The following SLC14A2 variants were observed in gnomAD, a reference collection of about 807,000 sequenced individuals.
The protein encoded by SLC14A2 is urea transporter 2.
In SLC14A2, 91 loss-of-function variants were observed where a neutral mutation model predicts 104.6. That is an observed-to-expected ratio of 0.87 (90% CI 0.73 to 1.04). The LOEUF (loss-of-function observed/expected upper bound fraction) is 1.04, where lower values mean the gene tolerates loss of function less well. Ranked by LOEUF, SLC14A2 falls within the 50% of genes least tolerant of loss-of-function variation. The pLI is 0.00. For missense variants in SLC14A2, 1,189 were observed against 1,156.0 expected (o/e 1.03, Z -0.41); for synonymous variants, 476 against 466.4 (o/e 1.02, Z -0.27).
chr18:45,616,033 G>A (rs2045065041), intron 1 of SLC14A2, among the ~76,000 whole-genome samples: 1 of 152,160 alleles, frequency 6.6e-6, no homozygotes. Context: ...TGAATTGGAG[G>A]TAGCTGTGGG....
intron 2 of SLC14A2, among the ~76,000 whole-genome samples, chr18:45,495,160 A>T (rs1470816273): frequency 1.3e-5 from 2 of 152,154 alleles, no homozygotes; most frequent in African/African-American, 4.8e-5. Flanking sequence ...TGGCAAATGC[A>T]TGAGTGAATT....
intron 1 of SLC14A2, among the ~76,000 whole-genome samples, chr18:45,433,428 C>T (rs536074527): frequency 3.3e-5 from 5 of 152,318 alleles, no homozygotes; most frequent in East Asian, 1.9e-4. Context: ...CTTAGTCATA[C>T]GTGAGAGGTA....
chr18:45,176,877 C>G, the SLC14A2 span, among the ~76,000 whole-genome samples: 1 of 152,172 alleles, frequency 6.6e-6, no homozygotes, highest in East Asian at 1.9e-4. Flanking sequence ...GCCAAAGACT[C>G]ACAAATCTCC....
intron 4 of SLC14A2, among the ~76,000 whole-genome samples, chr18:45,629,651 ACT>A (rs1041522196): frequency 3.3e-5 from 5 of 151,966 alleles, no homozygotes; most frequent in Non-Finnish European, 1.5e-5. Context: ...CTGCGCTGAC[ACT>A]CTGATTCTTT....
chr18:45,564,959 T>G (rs1430511152), intron 2 of SLC14A2, among the ~76,000 whole-genome samples: 1 of 152,004 alleles, frequency 6.6e-6, no homozygotes, highest in African/African-American at 2.4e-5. Context: ...AAGCAAGTGA[T>G]GAGGGTAGGA....
rs114426320 is a variant in SLC14A2, at chr18:45,242,878, C to T, written c.-125+29687C>T. On this transcript the variant is annotated intron_variant, in intron 1 of 20. Coordinates refer to the SLC14A2 transcript ENST00000586448. Reference sequence around the variant, plus strand: ...AAGCATGGGGTGGTGTTTACATGAGCTGGTTTGTGCTACTCCCAGGTTTGG... The same window carrying T: ...AAGCATGGGGTGGTGTTTACATGAGTTGGTTTGTGCTACTCCCAGGTTTGG... Among the ~76,000 whole-genome samples the T allele has an allele frequency of 6.5e-3, 983 of 152,252 alleles. 20 individuals carry two copies. The highest frequency in any genetic ancestry group is 0.022 in the African/African-American group (933 of 41,548).
At chr18:45,544,113 C>T (rs1363068696) in intron 2 of SLC14A2, among the ~76,000 whole-genome samples, 1 of 152,236 alleles carries the variant, frequency 6.6e-6, no homozygotes, top group Admixed American at 6.5e-5. Flanking sequence ...GCACCGTCCC[C>T]TTAGCTAATT....
rs575183083 is a variant in SLC14A2, at chr18:45,254,308, G to A, written c.-125+41117G>A. 5.8e-4 allele frequency among the ~76,000 whole-genome samples: 89 copies of A among 152,334 alleles called. 1 individual carries two copies. Among genetic ancestry groups the A allele is most frequent in the African/African-American group, 1.9e-3 (77 of 41,564 alleles). ...TGACTCCAAGTCCTGGCACCCTGGGGAGAGACACAGGAACCTAGAGGATCT... is the reference window on the plus strand; with the variant it reads ...TGACTCCAAGTCCTGGCACCCTGGGAAGAGACACAGGAACCTAGAGGATCT... On this transcript the variant is annotated intron_variant, in intron 1 of 20. Coordinates refer to the SLC14A2 transcript ENST00000586448.
chr18:45,235,263 T>C, intron 1 of SLC14A2, among the ~76,000 whole-genome samples: 1 of 152,328 alleles, frequency 6.6e-6, no homozygotes, highest in East Asian at 1.9e-4. Context: ...TCCTTTTCTT[T>C]TCATTAAAAT....
intron 1 of SLC14A2, among the ~76,000 whole-genome samples, chr18:45,258,959 C>T (rs1262939318): frequency 1.3e-5 from 2 of 152,198 alleles, no homozygotes; most frequent in African/African-American, 2.4e-5. Flanking sequence ...AGAAGTGCAG[C>T]GTCTCATCCA....
intron 1 of SLC14A2, among the ~76,000 whole-genome samples, chr18:45,298,181 G>A (rs907463194): frequency 3.3e-5 from 5 of 152,068 alleles, no homozygotes; most frequent in Non-Finnish European, 5.9e-5. Context: ...CTATAAAATA[G>A]CAGGAGAGAT....
chr18:45,652,803 G>A (rs1185333070), intron 10 of SLC14A2, among the ~76,000 whole-genome samples: 2 of 152,074 alleles, frequency 1.3e-5, no homozygotes, highest in African/African-American at 2.4e-5. Context: ...TGCTTTCCAA[G>A]GCAGCACTTT....
rs544467292 is a variant in SLC14A2, at chr18:45,670,049, G to A, written c.2229+551G>A. 2.2e-4 allele frequency among the ~76,000 whole-genome samples: 34 copies of A among 152,260 alleles called. 1 individual carries two copies. In the South Asian group the frequency reaches 4.8e-3, roughly 21 times the overall value. ...AGGCTGAGGTGGGAGGATCGCTTGA[G>A]CCCAGGAGTTTGAGGCTGCAGTGCG... On this transcript the variant is annotated intron_variant, in intron 16 of 19. Coordinates refer to ENST00000255226, the MANE Select transcript of SLC14A2 (RefSeq NM_007163.4).
the SLC14A2 span, chr18:45,181,170 TCTC>T: frequency 6.6e-6 from 1 of 152,462 alleles, no homozygotes; most frequent in African/African-American, 2.4e-5. Context: ...TCTCATCTCC[TCTC>T]CTCCACAGGA....
At chr18:45,205,798 T>C in the SLC14A2 span, among the ~76,000 whole-genome samples, 67 of 152,338 alleles carry the variant, frequency 4.4e-4, no homozygotes, top group African/African-American at 1.6e-3. Flanking sequence ...CATTCTTTTA[T>C]TCAACAAATA....
chr18:45,211,824 T>A (rs539649508), upstream of SLC14A2, among the ~76,000 whole-genome samples: 15 of 152,302 alleles, frequency 9.8e-5, no homozygotes, highest in South Asian at 3.1e-3. Flanking sequence ...AAATCTCCAA[T>A]GACAAAAACC....
intron 1 of SLC14A2, among the ~76,000 whole-genome samples, chr18:45,296,027 C>T (rs879870678): frequency 6.6e-6 from 1 of 152,122 alleles, no homozygotes; most frequent in Non-Finnish European, 1.5e-5. Context: ...TATATTTTTA[C>T]TCTTACTATT....
intron 18 of SLC14A2, among the ~76,000 whole-genome samples, chr18:45,674,040 G>A (rs2046187023): frequency 6.6e-6 from 1 of 152,182 alleles, no homozygotes; most frequent in African/African-American, 2.4e-5. Flanking sequence ...GAGCAAACTG[G>A]CTGAGCAACT....
At chr18:45,471,708 G>A (rs2087251901) in intron 1 of SLC14A2, among the ~76,000 whole-genome samples, 1 of 151,868 alleles carries the variant, frequency 6.6e-6, no homozygotes, top group South Asian at 2.1e-4. Flanking sequence ...CTGCTGATGG[G>A]TCCCTAATTT....
Sources: allele counts gnomAD v4.1 joint callset (sites outside exome capture counted in the v4.1 genomes callset), GRCh38; gene constraint gnomAD v4.1.1; transcripts MANE v1.5; gene names NCBI Gene and HGNC (gene_info 2026-07-23, HGNC 2026-07-21).